The following WDR88 variants were observed in gnomAD, a reference collection of about 807,000 sequenced individuals.
The protein encoded by WDR88 is WD repeat-containing protein 88.
A neutral mutation model predicts 46.8 loss-of-function variants in WDR88; 40 were observed. The observed-to-expected ratio is 0.86, with a 90% CI of 0.66 to 1.11. WDR88 has a LOEUF of 1.11. Ranked by LOEUF, WDR88 falls within the 50% of genes most tolerant of loss-of-function variation. The pLI is 0.00. For missense variants in WDR88, 562 were observed against 602.4 expected (o/e 0.93, Z 0.70); for synonymous variants, 235 against 240.7 (o/e 0.98, Z 0.22).
In WDR88 at chr19:33,174,545, C is replaced by CT. The variant is rs1434035847; in HGVS notation, c.1243-850dup. The CT allele has an allele frequency of 3.0e-6, 3 of 984,578 alleles. No homozygotes were observed. The African/African-American group carries it at 5.2e-5, about 17-fold the overall frequency. 61.0% of individuals were successfully genotyped at this position (984,578 alleles called of 1,614,324 possible). On this transcript the variant is annotated intron_variant, in intron 10 of 10. Coordinates refer to ENST00000355868, the MANE Select transcript of WDR88 (RefSeq NM_173479.4). Reference sequence around the variant, plus strand: ...CTGTGCCATTTGTTTTCAGTGTACTCTGTGAGCTTTGGCCAGAAACAGGCT... The same window carrying CT: ...CTGTGCCATTTGTTTTCAGTGTACTCTTGTGAGCTTTGGCCAGAAACAGGCT...
At chr19:33,166,736 A>C (rs977812610) in intron 9 of WDR88, among the ~76,000 whole-genome samples, 3 of 141,636 alleles carry the variant, frequency 2.1e-5, no homozygotes, top group African/African-American at 8.0e-5. Context: ...ACATGGTGAA[A>C]CCCTGTCTCT....
In WDR88 at chr19:33,148,901, G is replaced by T; in HGVS notation, c.670G>T (p.Val224Phe). The T allele has an allele frequency of 3.7e-6, 6 of 1,614,058 alleles. No individual in the cohort carries two copies. The highest frequency in any genetic ancestry group is 5.1e-6 in the Non-Finnish European group (6 of 1,180,006). ...CGCCGAGAACATCACCACCGTTTCC[G>T]TCATCAAAGGTGAGGGTGTGCGGGC... The part of the protein sequence containing the change: ...MDAENITTVS[V>F]IKDHHTRSIT... Residue 224 changes from valine (V) to phenylalanine (F), a missense_variant, in exon 5 of 11, where the codon GTC (valine) becomes TTC (phenylalanine). Transcript: ENST00000355868.
chr19:33,174,537 A>G, intron 10 of WDR88: 4 of 984,986 alleles, frequency 4.1e-6, no homozygotes, highest in Non-Finnish European at 3.6e-6. Flanking sequence ...ATTTGTTTTC[A>G]GTGTACTCTG....
intron 3 of WDR88, among the ~76,000 whole-genome samples, chr19:33,145,821 A>T (rs1757568517): frequency 6.6e-6 from 1 of 152,180 alleles, no homozygotes; most frequent in Non-Finnish European, 1.5e-5. Flanking sequence ...GGTGTGAGCC[A>T]CCATGCCCAC....
At chr19:33,151,144 G>GGCGT (rs1351402275) in intron 5 of WDR88, 37 bp from the exon 6 acceptor site, 1 of 1,597,346 alleles carries the variant, frequency 6.3e-7, no homozygotes, top group African/African-American at 1.3e-5. Flanking sequence ...GCAGGTGGAA[G>GGCGT]GCGTGGTCTC....
chr19:33,162,001 T>G (rs1973875712), intron 8 of WDR88, among the ~76,000 whole-genome samples: 4 of 152,272 alleles, frequency 2.6e-5, no homozygotes, highest in Admixed American at 2.0e-4. Context: ...TGTGCTCCCA[T>G]CCTCAAATTC....
In WDR88 at chr19:33,132,401, G is replaced by T. The variant is rs755933546; in HGVS notation, c.232G>T (p.Val78Leu). The change falls in exon 1 of 11, where the codon GTG becomes TTG. Residue 78 changes from valine (V) to leucine (L), a missense_variant. Coordinates refer to ENST00000355868, the MANE Select transcript of WDR88 (RefSeq NM_173479.4). ...GCATCTGTTGCCTGAGAAGCACCAG[G>T]TGCCGGAGAAATTGATCTGGGGCGA... ...PPHLLPEKHQVPEKLIWGDQD... is the reference protein window; with the variant it reads ...PPHLLPEKHQLPEKLIWGDQD... 1.2e-6 allele frequency: 2 copies of T among 1,614,126 alleles called. No individual in the cohort carries two copies. Among genetic ancestry groups the T allele is most frequent in the East Asian group, 2.2e-5 (1 of 44,878 alleles).
intron 10 of WDR88, 105 bp downstream of exon 10, chr19:33,172,545 A>ATT: frequency 2.2e-6 from 2 of 927,568 alleles, no homozygotes; most frequent in Non-Finnish European, 3.3e-6. Flanking sequence ...TGCAATCGTG[A>ATT]ACAAACAGAC....
chr19:33,140,935 A>ATTT (rs576514149), intron 2 of WDR88, among the ~76,000 whole-genome samples: 3 of 127,126 alleles, frequency 2.4e-5, no homozygotes, highest in African/African-American at 9.5e-5. Flanking sequence ...CCAAACTTAC[A>ATTT]TTTTTTTTTT....
At chr19:33,175,337 TGCCTG>T (rs1974104760) in intron 10 of WDR88, 54 bp from the exon 11 acceptor site, 1 of 1,551,032 alleles carries the variant, frequency 6.4e-7, no homozygotes, top group African/African-American at 1.4e-5. Flanking sequence ...TCTAATGGCA[TGCCTG>T]GATCACCTCT....
rs1400467732 is a variant in WDR88, at chr19:33,157,669, G to GTA, written c.997+1128_997+1129insAT. ...TGTGTGTATGTATATATGTATGTAT[G>GTA]TGTGTGTGTGTATGTATGTATATAT... On this transcript the variant is annotated intron_variant, in intron 7 of 10. Transcript: ENST00000355868. 7.4e-3 allele frequency among the ~76,000 whole-genome samples: 12 copies of GTA among 1,618 alleles called. 1 individual carries two copies. The highest frequency in any genetic ancestry group is 0.035 in the African/African-American group (11 of 310). The allele number at this position is 1,618 out of a possible 152,430, so 1.1% of individuals were successfully genotyped here. A position where few individuals can be genotyped will look rare whatever the true frequency, so the allele number is the denominator to read the frequency against.
chr19:33,142,438 T>G (rs923439390), intron 2 of WDR88, among the ~76,000 whole-genome samples: 8 of 151,850 alleles, frequency 5.3e-5, no homozygotes, highest in Non-Finnish European at 1.0e-4. Context: ...GGGGAACACT[T>G]GGATGCACTT....
intron 1 of WDR88, among the ~76,000 whole-genome samples, chr19:33,133,194 A>AATAAATAT (rs1351551438): frequency 4.5e-4 from 22 of 49,410 alleles, no homozygotes; most frequent in African/African-American, 1.0e-3. Context: ...TAAATAAATA[A>AATAAATAT]ATATAGAGAG....
At chr19:33,156,286 C>T in intron 6 of WDR88, 69 bp from the exon 7 acceptor site, 1 of 1,510,332 alleles carries the variant, frequency 6.6e-7, no homozygotes, top group Non-Finnish European at 9.0e-7. Flanking sequence ...ATACCCCCGG[C>T]TTTAGGTATG....
intron 7 of WDR88, among the ~76,000 whole-genome samples, chr19:33,157,553 GTA>G (rs541029762): frequency 0.022 from 3,091 of 140,028 alleles, 129 homozygotes; most frequent in African/African-American, 0.078. Context: ...ATATATATGT[GTA>G]TATATATATG....
At chr19:33,175,272 A>G (rs1974103619) in intron 10 of WDR88, 124 bp from the exon 11 acceptor site, 1 of 1,019,182 alleles carries the variant, frequency 9.8e-7, no homozygotes, top group African/African-American at 1.7e-5. Context: ...AACCAAAAAG[A>G]GATTCCAGAG....
chr19:33,161,773 T>C (rs1399754628), intron 8 of WDR88, among the ~76,000 whole-genome samples: 1 of 152,178 alleles, frequency 6.6e-6, no homozygotes, highest in Non-Finnish European at 1.5e-5. Flanking sequence ...GAGACCAGCC[T>C]GGCCAACATA....
chr19:33,174,354 A>G (rs567202186), intron 10 of WDR88: 1 of 1,454,476 alleles, frequency 6.9e-7, no homozygotes, highest in Admixed American at 2.6e-5. Flanking sequence ...CAGAACAGCA[A>G]AGCCCAGGGG....
intron 8 of WDR88, 111 bp from the exon 9 acceptor site, chr19:33,164,086 C>T (rs1462690923): frequency 1.3e-5 from 12 of 949,042 alleles, no homozygotes; most frequent in East Asian, 2.5e-5. Flanking sequence ...CCTCCCGACT[C>T]GGCTTCCCAA....
Sources: allele counts gnomAD v4.1 joint callset (sites outside exome capture counted in the v4.1 genomes callset), GRCh38; gene constraint gnomAD v4.1.1; transcripts MANE v1.5; gene names NCBI Gene and HGNC (gene_info 2026-07-23, HGNC 2026-07-21).